Variants in GALNT9 observed in about 807,000 individuals in gnomAD.
GALNT9 encodes the protein GalNAc transferase 9.
GALNT9 carries 47 observed loss-of-function variants against 63.1 expected under a neutral mutation model. The observed-to-expected ratio is 0.75, with a 90% CI of 0.59 to 0.95. GALNT9 has a LOEUF of 0.95. GALNT9 is among the 40% of genes least tolerant of loss of function. GALNT9 has a pLI of 0.00. For synonymous variants in GALNT9, 396 were observed against 365.7 expected, an observed-to-expected ratio of 1.08 and a Z score of -0.94; for missense variants, 829 against 874.8, an observed-to-expected ratio of 0.95 and a Z score of 0.66.
intron 2 of GALNT9, among the ~76,000 whole-genome samples, chr12:132,284,992 A>C (rs1232908013): frequency 1.3e-5 from 2 of 152,206 alleles, no homozygotes; most frequent in African/African-American, 4.8e-5. Flanking sequence ...GTCACAAGGA[A>C]TGGAATGGGG....
At chr12:132,225,890 AC>A (rs1877656443) in intron 6 of GALNT9, among the ~76,000 whole-genome samples, 2 of 126,580 alleles carry the variant, frequency 1.6e-5, no homozygotes, top group South Asian at 2.6e-4. Context: ...CACACCACAC[AC>A]CCCACAACCC....
At chr12:132,266,545 C>T (rs781848731) in intron 2 of GALNT9, among the ~76,000 whole-genome samples, 4 of 152,210 alleles carry the variant, frequency 2.6e-5, no homozygotes, top group Non-Finnish European at 4.4e-5. Flanking sequence ...TCGAATGGCA[C>T]GGCCACGAGC....
At position 132,295,186 on chromosome 12, in the gene GALNT9, C is replaced by T. The variant is rs567159325; in HGVS notation, c.239-8756G>A. ...CTGGGAAGCCAGCGGGGCCTTCAGA[C>T]GGGCACCCGGAGAGTTTGCTCTGCT... is the stretch of plus-strand genomic sequence containing the variant. On this transcript the variant is annotated intron_variant, in intron 1 of 10. Transcript: ENST00000328957. Among the ~76,000 whole-genome samples the T allele has an allele frequency of 5.9e-5, 9 of 152,318 alleles. No individual in the cohort carries two copies. The South Asian group carries it at 1.0e-3, about 18-fold the overall frequency.
chr12:132,286,110 G>T lies in GALNT9; in HGVS notation c.419+140C>A. ...GGCGGTCACTTCCCCGGCGGGCGTG[G>T]GGGGCGGTCACTTCCCTGGCGGGCG... On this transcript the variant is annotated intron_variant, in intron 2 of 10. Coordinates refer to ENST00000328957, the MANE Select transcript of GALNT9 (RefSeq NM_001122636.2). The surrounding 1 kb of genome is among the most constrained non-coding windows in gnomAD (Gnocchi z 7.4). 8.7e-7 allele frequency: 1 copy of T among 1,144,302 alleles called. No homozygotes were observed. Among genetic ancestry groups the T allele is most frequent in the Non-Finnish European group, 1.2e-6 (1 of 844,478 alleles). The allele number at this position is 1,144,302 out of a possible 1,614,324, so 70.9% of individuals were successfully genotyped here.
chr12:132,218,702 C>T lies in GALNT9; in HGVS notation c.1078-15012G>A, dbSNP rs555882326. Among the ~76,000 whole-genome samples the T allele has an allele frequency of 7.9e-5, 12 of 152,302 alleles. No homozygotes were observed. The South Asian group carries it at 1.9e-3, about 24-fold the overall frequency. On this transcript the variant is annotated intron_variant, in intron 6 of 10. Transcript: ENST00000328957. Reference sequence around the variant, plus strand: ...GAAAGGCAAATCCCATCTCCCAGGGCGCAGTGGGCGCCATTCATCAATGTC... The same window carrying T: ...GAAAGGCAAATCCCATCTCCCAGGGTGCAGTGGGCGCCATTCATCAATGTC...
chr12:132,220,725 C>T (rs1341758114), intron 6 of GALNT9, among the ~76,000 whole-genome samples: 3 of 152,286 alleles, frequency 2.0e-5, no homozygotes, highest in African/African-American at 7.2e-5. Context: ...AAGATTTCCA[C>T]ATGGGGAGGC....
At chr12:132,324,784 T>G (rs960660810) in intron 1 of GALNT9, among the ~76,000 whole-genome samples, 1 of 151,516 alleles carries the variant, frequency 6.6e-6, no homozygotes, top group Non-Finnish European at 1.5e-5. Context: ...AGGTCTTCAC[T>G]GGTGGTCACT....
chr12:132,329,117 G>A lies in GALNT9; in HGVS notation c.87C>T (p.Arg29=). 1 of 1,549,620 alleles carries A rather than the reference G, an allele frequency of 6.5e-7. No individual in the cohort carries two copies. The part of the protein sequence containing the change: ...VGIVLFSVYC[R]LQGRSQELVR... ...CGAGCTCCTGGGAGCGGCCCTGCAG[G>A]CGGCAGTACACGGAGAACAGGACGA... The change falls in exon 1 of 11, where the codon CGC becomes CGT. Residue 29 remains arginine (R), a synonymous_variant. Transcript: ENST00000328957.
At chr12:132,206,646 CA>C (rs34047036) in intron 6 of GALNT9, among the ~76,000 whole-genome samples, 159 of 135,698 alleles carry the variant, frequency 1.2e-3, no homozygotes, top group African/African-American at 3.1e-3. Context: ...GACTCCGTCT[CA>C]AAAAAAAAAA....
intron 6 of GALNT9, among the ~76,000 whole-genome samples, chr12:132,228,272 G>A (rs1005166675): frequency 1.8e-4 from 27 of 151,056 alleles, no homozygotes; most frequent in African/African-American, 5.4e-4. Flanking sequence ...ATCCCTCCCC[G>A]GCGTCCCTCC....
Position 132,310,401 on chromosome 12 carries a change from C to T in GALNT9, c.238+18565G>A, listed in dbSNP as rs535907825. Among the ~76,000 whole-genome samples the T allele has an allele frequency of 3.3e-5, 5 of 152,332 alleles. No individual in the cohort carries two copies. Among genetic ancestry groups the T allele is most frequent in the African/African-American group, 7.2e-5 (3 of 41,576 alleles). On this transcript the variant is annotated intron_variant, in intron 1 of 10. Transcript: ENST00000328957. This position sits in a 1 kb window ranked among gnomAD's most constrained non-coding sequence, Gnocchi z 4.8. ...AGTGCCAGGAGTGAGAGCGCACCCA[C>T]GTGAGGTCAGGCTGCCTCCCACCCA... is the stretch of plus-strand genomic sequence containing the variant.
chr12:132,222,613 G>C (rs1295632948), intron 6 of GALNT9, among the ~76,000 whole-genome samples: 4 of 151,974 alleles, frequency 2.6e-5, no homozygotes, highest in Non-Finnish European at 4.4e-5. Context: ...TGCAGCCGAC[G>C]ATGCGTGGAG....
At chr12:132,300,099 CCCA>C (rs1881235464) in intron 1 of GALNT9, among the ~76,000 whole-genome samples, 1 of 140,950 alleles carries the variant, frequency 7.1e-6, no homozygotes, top group African/African-American at 2.9e-5. Flanking sequence ...ATAACTCACT[CCCA>C]TGATAACTAA....
intron 1 of GALNT9, among the ~76,000 whole-genome samples, chr12:132,311,081 C>A (rs1306300636): frequency 6.6e-6 from 1 of 152,208 alleles, no homozygotes; most frequent in Non-Finnish European, 1.5e-5. Context: ...ATTTAAACAA[C>A]AACATCAACT....
chr12:132,247,693 C>A lies in GALNT9; in HGVS notation c.1077+217G>T, dbSNP rs782556051. 4.1e-4 allele frequency: 301 copies of A among 737,860 alleles called. 1 individual carries two copies. The highest frequency in any genetic ancestry group is 6.0e-4 in the Non-Finnish European group (278 of 460,994). The allele number at this position is 737,860 out of a possible 1,614,324, so 45.7% of individuals were successfully genotyped here. ...TCCCCGGATGCCGTGGCCGCACTCG[C>A]CCTCACCCCGTCCCCAGACACCGCG... is the stretch of plus-strand genomic sequence containing the variant. On this transcript the variant is annotated intron_variant, in intron 6 of 10. Transcript: ENST00000328957.
chr12:132,314,554 A>G (rs1868414700), intron 1 of GALNT9, among the ~76,000 whole-genome samples: 1 of 151,998 alleles, frequency 6.6e-6, no homozygotes, highest in Non-Finnish European at 1.5e-5. Context: ...GATCCATCCA[A>G]CTCCCAATGT....
intron 1 of GALNT9, among the ~76,000 whole-genome samples, chr12:132,320,808 C>A (rs1463521190): frequency 1.3e-5 from 2 of 152,180 alleles, no homozygotes; most frequent in Admixed American, 6.5e-5. Context: ...GCGGCGCCAG[C>A]GGGGGGGTCC....
chr12:132,277,123 C>T (rs28533683), intron 2 of GALNT9: 1,878 of 153,672 alleles, frequency 0.012, 35 homozygotes, highest in South Asian at 0.097. Context: ...CAGTTTCTGC[C>T]GGGATAGTTG....
rs1555244360 is a variant in GALNT9, at chr12:132,304,635, ACACCCTCGCCCG to A, written c.239-18217_239-18206del. On this transcript the variant is annotated intron_variant, in intron 1 of 10. Transcript: ENST00000328957. ...CACCCGGGCACAGCCTCACCGGGGC[ACACCCTCGCCCG>A]GACACACCCTCACCCGGGCACAGCC... Among the ~76,000 whole-genome samples, 2 of 40,652 alleles carry A rather than the reference ACACCCTCGCCCG, an allele frequency of 4.9e-5. 1 individual carries two copies. The highest frequency in any genetic ancestry group is 8.9e-5 in the Non-Finnish European group (2 of 22,470). The allele number at this position is 40,652 out of a possible 152,430, so 26.7% of individuals were successfully genotyped here.
Sources: gnomAD v4.1 joint callset for allele counts (sites outside exome capture counted in the v4.1 genomes callset) on GRCh38, gnomAD v4.1.1 for gene constraint, Gnocchi (gnomAD v3.1) non-coding constraint, MANE v1.5 for transcripts, NCBI Gene and HGNC (gene_info 2026-07-23, HGNC 2026-07-21) for gene names.